MMEL1: variants seen among roughly 807,000 people sequenced by gnomAD.
MMEL1 encodes membrane metallo-endopeptidase-like 1.
Under a neutral mutation model 117.1 loss-of-function variants are expected in MMEL1, and 98 were observed. The ratio of observed to expected loss-of-function variants is 0.84; its 90% CI spans 0.71 to 0.99. The LOEUF is 0.99. MMEL1 is among the 50% of genes least tolerant of loss of function. The pLI is 0.00. For missense variants in MMEL1, 1,014 were observed against 1,049.1 expected, an observed-to-expected ratio of 0.97 and a Z score of 0.46; for synonymous variants, 390 against 415.1, an observed-to-expected ratio of 0.94 and a Z score of 0.74.
rs766070660 is a variant in MMEL1, at chr1:2,591,964, G to A, written c.2131C>T (p.His711Tyr). 11 of 1,613,436 alleles carry A rather than the reference G, an allele frequency of 6.8e-6. No individual in the cohort carries two copies. In the South Asian group the frequency reaches 1.2e-4, roughly 18 times the overall value. Residue 711 changes from histidine to tyrosine, a missense_variant, in exon 22 of 24, where the codon CAT (histidine) becomes TAT (tyrosine). By Grantham distance (83) the His-to-Tyr change is moderately conservative (BLOSUM62 2). Transcript: ENST00000378412. ...DQQLPGLDLT[H>Y]EQLFFINYAQ... The stretch of plus-strand genomic sequence containing the variant: ...TAGTTGATGAAGAAGAGCTGCTCAT[G>A]GGTGAGATCCAGGCCGGGCAGCTGC...
intron 1 of MMEL1, among the ~76,000 whole-genome samples, chr1:2,631,870 C>A (rs548982218): frequency 2.3e-4 from 35 of 152,282 alleles, no homozygotes; most frequent in African/African-American, 8.2e-4. Context: ...CAGGCCCCAC[C>A]AATCACCTCC....
chr1:2,624,753 A>G (rs1434412094), intron 2 of MMEL1, among the ~76,000 whole-genome samples: 1 of 152,194 alleles, frequency 6.6e-6, no homozygotes, highest in East Asian at 1.9e-4. Context: ...TGTATCGTCC[A>G]TTATCACACT....
At chr1:2,593,151 G>A (rs1325190659) in intron 19 of MMEL1, among the ~76,000 whole-genome samples, 185 bp from the exon 20 acceptor site, 1 of 152,204 alleles carries the variant, frequency 6.6e-6, no homozygotes, top group Non-Finnish European at 1.5e-5. Context: ...GCTGTCTGGG[G>A]CTACACAGCC....
chr1:2,629,670 G>C, intron 1 of MMEL1, 149 bp from the exon 2 acceptor site: 1 of 659,094 alleles, frequency 1.5e-6, no homozygotes, highest in Non-Finnish European at 2.4e-6. Context: ...CACAACCCTG[G>C]GTGACTGGGT....
Position 2,595,201 on chromosome 1 carries a change from C to T in MMEL1, c.1584+75G>A, listed in dbSNP as rs887164452. ...TGGGAGGAGGGCACAGAGCTTGGCA[C>T]AGAGGAGCCCCCAGGCAATCAGGGC... On this transcript the variant is annotated intron_variant, in intron 16 of 23. Transcript: ENST00000378412. This position sits in a 1 kb window ranked among gnomAD's most constrained non-coding sequence, Gnocchi z 4.8. 4.4e-6 allele frequency: 6 copies of T among 1,378,740 alleles called. No individual in the cohort carries two copies. In the Admixed American group the frequency reaches 1.1e-4, roughly 25 times the overall value. 85.4% of individuals were successfully genotyped at this position (1,378,740 alleles called of 1,614,324 possible). A position where few individuals can be genotyped will look rare whatever the true frequency, so the allele number is the denominator to read the frequency against.
chr1:2,594,525 C>T, intron 17 of MMEL1, 82 bp from the exon 18 acceptor site: 1 of 1,449,736 alleles, frequency 6.9e-7, no homozygotes, highest in Non-Finnish European at 9.5e-7. Context: ...TGGACCAGGG[C>T]CTACCCTGGC....
At chr1:2,602,917 G>T (rs937429917) in intron 11 of MMEL1, among the ~76,000 whole-genome samples, 1 of 152,048 alleles carries the variant, frequency 6.6e-6, no homozygotes, top group African/African-American at 2.4e-5. Context: ...AGGTCACTCC[G>T]CTTTTCTGTC....
chr1:2,593,544 C>A (rs1644778986), intron 19 of MMEL1, among the ~76,000 whole-genome samples: 2 of 152,206 alleles, frequency 1.3e-5, no homozygotes, highest in Non-Finnish European at 2.9e-5. Flanking sequence ...ATGTCACAGG[C>A]CGTGGGAGGG....
chr1:2,611,127 C>T (rs910110934), intron 4 of MMEL1, among the ~76,000 whole-genome samples, 154 bp downstream of exon 4: 8 of 152,216 alleles, frequency 5.3e-5, no homozygotes, highest in African/African-American at 1.9e-4. Context: ...CAGCTCCGCC[C>T]GCTCCACAGC....
At position 2,594,427 on chromosome 1, in the gene MMEL1, C is replaced by T; in HGVS notation, c.1705G>A (p.Ala569Thr). ...VDPNLWIIGA[A>T]VVNAFYSPNR... ...GGGGAGTAGAACGCATTGACCACCGCCGCCCCGATGATCCAGCTGTGATAG... is the reference window on the plus strand; with the variant it reads ...GGGGAGTAGAACGCATTGACCACCGTCGCCCCGATGATCCAGCTGTGATAG... The change falls in exon 18 of 24, where the codon GCG becomes ACG. Residue 569 changes from alanine to threonine, a missense_variant. Physicochemically the swap from Ala to Thr is moderately conservative, Grantham distance 58 (BLOSUM62 0). Transcript: ENST00000378412. 6.4e-7 allele frequency: 1 copy of T among 1,551,588 alleles called. No homozygotes were observed. The highest frequency in any genetic ancestry group is 8.7e-7 in the Non-Finnish European group (1 of 1,146,962).
At chr1:2,611,168 G>A (rs1645119438) in intron 4 of MMEL1, 113 bp downstream of exon 4, 4 of 1,092,592 alleles carry the variant, frequency 3.7e-6, no homozygotes, top group Admixed American at 2.4e-5. Flanking sequence ...CGGCTCCACC[G>A]CCCGCCGTGT....
At position 2,592,971 on chromosome 1, in the gene MMEL1, G is replaced by A. The variant is rs754488093; in HGVS notation, c.1868-5C>T. ...CATTCTTGTCGAAGTTCCGGCCTGG[G>A]CAGGGGCAGAGGAGGGCTGCCCACA... On this transcript the variant is annotated splice_polypyrimidine_tract_variant and splice_region_variant and intron_variant, in intron 19 of 23. Coordinates refer to ENST00000378412, the MANE Select transcript of MMEL1 (RefSeq NM_033467.4). The A allele has an allele frequency of 6.8e-6, 11 of 1,612,904 alleles. No individual in the cohort carries two copies. The Admixed American group carries it at 1.3e-4, about 20-fold the overall frequency.
intron 11 of MMEL1, among the ~76,000 whole-genome samples, chr1:2,601,765 A>G (rs1258723738): frequency 6.6e-6 from 1 of 152,226 alleles, no homozygotes; most frequent in Non-Finnish European, 1.5e-5. Context: ...ACGTTCCACA[A>G]AAGGGAATGG....
rs1233456802 is a variant in MMEL1, at chr1:2,606,378, G to A, written c.632-12C>T. 3 of 1,606,512 alleles carry A rather than the reference G, an allele frequency of 1.9e-6. No homozygotes were observed. The highest frequency in any genetic ancestry group is 2.5e-6 in the Non-Finnish European group (3 of 1,176,616). ...CTCCCACTCGAGTCCTGGGGAGACA[G>A]TGCCCCGCACTGGAGACTGGCGGGC... is the stretch of plus-strand genomic sequence containing the variant. On this transcript the variant is annotated splice_polypyrimidine_tract_variant and intron_variant, in intron 7 of 23. Coordinates refer to ENST00000378412, the MANE Select transcript of MMEL1 (RefSeq NM_033467.4).
At chr1:2,598,966 C>T (rs905377648) in intron 11 of MMEL1, among the ~76,000 whole-genome samples, 176 bp from the exon 12 acceptor site, 1 of 152,114 alleles carries the variant, frequency 6.6e-6, no homozygotes, top group Admixed American at 6.5e-5. Context: ...GCTGTAAAAA[C>T]CCAAGCGATC....
chr1:2,603,193 A>G (rs1267726238), intron 11 of MMEL1, among the ~76,000 whole-genome samples: 1 of 152,166 alleles, frequency 6.6e-6, no homozygotes, highest in Non-Finnish European at 1.5e-5. Flanking sequence ...ACACTCAGGG[A>G]CATACTCTGG....
intron 17 of MMEL1, 21 bp downstream of exon 17, chr1:2,594,769 C>A (rs766550796): frequency 6.2e-7 from 1 of 1,601,686 alleles, no homozygotes; most frequent in Non-Finnish European, 8.5e-7. Context: ...CCGCCCATGC[C>A]GCACCAGCGA....
rs756379040 is a variant in MMEL1, at chr1:2,592,012, T to C, written c.2083A>G (p.Met695Val). 27 of 1,612,990 alleles carry C rather than the reference T, an allele frequency of 1.7e-5. No individual in the cohort carries two copies. Among genetic ancestry groups the C allele is most frequent in the African/African-American group, 2.7e-5 (2 of 74,872 alleles). ...TGCTGGTCCTTGCCACCCTCTGCCA[T>C]CCACTTGAGGTAGGCCTGCAGGCAC... is the stretch of plus-strand genomic sequence containing the variant. The part of the protein sequence containing the change: ...RQAYKAYLKW[M>V]AEGGKDQQLP... Residue 695 changes from methionine (M) to valine (V), a missense_variant, in exon 22 of 24, where the codon ATG becomes GTG. Met to Val is a conservative substitution (Grantham distance 21). Coordinates refer to ENST00000378412, the MANE Select transcript of MMEL1 (RefSeq NM_033467.4).
rs1464329860 is a variant in MMEL1, at chr1:2,606,143, C to A, written c.750+105G>T. ...AGCCAGGAGCCCAGGTCCCAGGAGA[C>A]CCCGGAGCTCCCTGTCGGCCTGGCC... On this transcript the variant is annotated intron_variant, in intron 8 of 23. Transcript: ENST00000378412. The A allele has an allele frequency of 1.0e-5, 9 of 872,574 alleles. No homozygotes were observed. In the East Asian group the frequency reaches 1.9e-4, roughly 19 times the overall value. The allele number at this position is 872,574 out of a possible 1,614,324, so 54.1% of individuals were successfully genotyped here.
Sources: allele counts gnomAD v4.1 joint callset (sites outside exome capture counted in the v4.1 genomes callset), GRCh38; gene constraint gnomAD v4.1.1; non-coding constraint Gnocchi (gnomAD v3.1); transcripts MANE v1.5; gene names NCBI Gene and HGNC (gene_info 2026-07-23, HGNC 2026-07-21).